KCNH8: variants seen among roughly 807,000 people sequenced by gnomAD.
The protein encoded by KCNH8 is voltage-gated delayed rectifier potassium channel KCNH8.
A neutral mutation model predicts 103.6 loss-of-function variants in KCNH8; 70 were observed. That is an observed-to-expected ratio of 0.68 (90% CI 0.56 to 0.82). The LOEUF is 0.82. Among genes scored for constraint, KCNH8 ranks in the 40% least tolerant of loss-of-function variants. The pLI, the probability that KCNH8 is intolerant of heterozygous loss-of-function variation, is 0.00. For synonymous variants in KCNH8, 498 were observed against 489.4 expected, an observed-to-expected ratio of 1.02 and a Z score of -0.23; for missense variants, 1,217 against 1,329.9, an observed-to-expected ratio of 0.92 and a Z score of 1.32.
At chr3:19,200,192 A>G (rs1398648825) in intron 1 of KCNH8, among the ~76,000 whole-genome samples, 1 of 152,066 alleles carries the variant, frequency 6.6e-6, no homozygotes, top group Non-Finnish European at 1.5e-5. Flanking sequence ...TGGTGAAAAA[A>G]GTAAAGTTAA....
At chr3:19,168,814 A>C (rs1344568436) in intron 1 of KCNH8, among the ~76,000 whole-genome samples, 3 of 152,220 alleles carry the variant, frequency 2.0e-5, no homozygotes, top group Admixed American at 2.0e-4. Context: ...ATTTCCTCAG[A>C]AAAATCTGTG....
chr3:19,226,562 C>T (rs546102036), intron 1 of KCNH8, among the ~76,000 whole-genome samples: 1 of 151,794 alleles, frequency 6.6e-6, no homozygotes, highest in African/African-American at 2.4e-5. Flanking sequence ...ATCTCTCTCT[C>T]TCTCTCTGTT....
At chr3:19,341,745 T>C (rs2065662099) in intron 3 of KCNH8, among the ~76,000 whole-genome samples, 1 of 152,106 alleles carries the variant, frequency 6.6e-6, no homozygotes, top group African/African-American at 2.4e-5. Flanking sequence ...TAAATTAATA[T>C]GGCATTTTTC....
chr3:19,405,559 T>G (rs1258234439), intron 7 of KCNH8, among the ~76,000 whole-genome samples: 5 of 151,950 alleles, frequency 3.3e-5, no homozygotes. Context: ...AAAAGATGTT[T>G]TATAAATCAC....
At chr3:19,222,170 T>A (rs143694210) in intron 1 of KCNH8, among the ~76,000 whole-genome samples, 1 of 152,284 alleles carries the variant, frequency 6.6e-6, no homozygotes, top group Non-Finnish European at 1.5e-5. Flanking sequence ...ATTTATAGAA[T>A]AAGTGGAGTT....
At chr3:19,426,678 C>G (rs909249128) in intron 7 of KCNH8, among the ~76,000 whole-genome samples, 1 of 151,760 alleles carries the variant, frequency 6.6e-6, no homozygotes, top group South Asian at 2.1e-4. Flanking sequence ...GCCTCATGAC[C>G]AAGTGATATG....
At chr3:19,373,232 A>G (rs1050385902) in intron 5 of KCNH8, among the ~76,000 whole-genome samples, 1 of 152,026 alleles carries the variant, frequency 6.6e-6, no homozygotes, top group East Asian at 1.9e-4. Flanking sequence ...CTGTGAATCC[A>G]TCTGGTCCTG....
intron 2 of KCNH8, among the ~76,000 whole-genome samples, chr3:19,271,172 A>C (rs1575484601): frequency 6.6e-6 from 1 of 152,154 alleles, no homozygotes; most frequent in East Asian, 1.9e-4. Flanking sequence ...TTTTGGCAGA[A>C]AGCTCATGAA....
At chr3:19,354,980 C>T (rs955471239) in intron 5 of KCNH8, among the ~76,000 whole-genome samples, 4 of 152,138 alleles carry the variant, frequency 2.6e-5, no homozygotes, top group African/African-American at 7.2e-5. Flanking sequence ...ACAATCTGCC[C>T]ATCTGACAAA....
At chr3:19,252,158 C>G (rs556274044) in intron 1 of KCNH8, among the ~76,000 whole-genome samples, 19 of 152,070 alleles carry the variant, frequency 1.2e-4, no homozygotes, top group African/African-American at 4.6e-4. Context: ...TATCTTAAAC[C>G]CCATCTCCAA....
chr3:19,496,156 G>C (rs182123078), intron 11 of KCNH8, among the ~76,000 whole-genome samples: 2 of 152,186 alleles, frequency 1.3e-5, no homozygotes, highest in East Asian at 3.9e-4. Context: ...GGGATATTTT[G>C]ACTTTCTCTC....
chr3:19,367,047 T>C (rs938511942), intron 5 of KCNH8, among the ~76,000 whole-genome samples: 23 of 151,894 alleles, frequency 1.5e-4, no homozygotes, highest in African/African-American at 5.6e-4. Flanking sequence ...CTTATTTCTA[T>C]CCTTTTCTCC....
intron 5 of KCNH8, among the ~76,000 whole-genome samples, chr3:19,368,642 C>T (rs1020276854): frequency 6.6e-6 from 1 of 151,936 alleles, no homozygotes; most frequent in Non-Finnish European, 1.5e-5. Context: ...AGATTATATA[C>T]TTAGAAGCAT....
intron 3 of KCNH8, among the ~76,000 whole-genome samples, chr3:19,332,873 T>A (rs1202683000): frequency 6.6e-6 from 1 of 152,144 alleles, no homozygotes; most frequent in Non-Finnish European, 1.5e-5. Flanking sequence ...CCTCAAGTGA[T>A]CCGCCCGCCT....
chr3:19,244,381 G>A (rs530212251), intron 1 of KCNH8, among the ~76,000 whole-genome samples: 3 of 152,282 alleles, frequency 2.0e-5, no homozygotes, highest in Admixed American at 2.0e-4. Context: ...CTTTGCTATT[G>A]TGCATAGCAC....
chr3:19,367,973 C>A (rs2066036190), intron 5 of KCNH8, among the ~76,000 whole-genome samples: 2 of 152,004 alleles, frequency 1.3e-5, no homozygotes, highest in Non-Finnish European at 2.9e-5. Context: ...GGATATCATC[C>A]TTTCCTGGAT....
intron 11 of KCNH8, among the ~76,000 whole-genome samples, chr3:19,461,318 T>C (rs1296475691): frequency 6.6e-6 from 1 of 152,148 alleles, no homozygotes; most frequent in African/African-American, 2.4e-5. Context: ...GCTAGATAAG[T>C]TTGGACCTCT....
chr3:19,510,541 C>A (rs2068766114), intron 12 of KCNH8, 140 bp downstream of exon 12: 1 of 657,332 alleles, frequency 1.5e-6, no homozygotes. Flanking sequence ...GATGTGGCAA[C>A]TGACTTGCTT....
intron 3 of KCNH8, among the ~76,000 whole-genome samples, chr3:19,331,294 A>G (rs994731823): frequency 1.7e-4 from 20 of 117,904 alleles, no homozygotes; most frequent in Admixed American, 6.6e-4. Flanking sequence ...TATTGTTGTT[A>G]TTATTATTAT....
Sources: gnomAD v4.1 joint callset for allele counts (sites outside exome capture counted in the v4.1 genomes callset) on GRCh38, gnomAD v4.1.1 for gene constraint, MANE v1.5 for transcripts, NCBI Gene and HGNC (gene_info 2026-07-23, HGNC 2026-07-21) for gene names.